The following MYOF variants were observed in gnomAD, a reference collection of about 807,000 sequenced individuals.
The protein encoded by MYOF is fer-1-like 3, myoferlin.
In MYOF, 244 loss-of-function variants were observed where a neutral mutation model predicts 284.2. The observed-to-expected ratio is 0.86, with a 90% confidence interval of 0.77 to 0.95. MYOF has a LOEUF of 0.95. MYOF is among the 40% of genes least tolerant of loss of function. The probability of loss-of-function intolerance (pLI) is 0.00; values close to 1 mark genes in which losing one functional copy is unlikely to be tolerated. For synonymous variants in MYOF, 904 were observed against 919.7 expected, an observed-to-expected ratio of 0.98 and a Z score of 0.31; for missense variants, 2,496 against 2,560.6, an observed-to-expected ratio of 0.97 and a Z score of 0.54.
chr10:93,312,653 T>G (rs992648739), intron 51 of MYOF, among the ~76,000 whole-genome samples: 4 of 152,136 alleles, frequency 2.6e-5, no homozygotes, highest in African/African-American at 9.7e-5. Context: ...CTACCTTTTT[T>G]TTTTAATGAG....
intron 17 of MYOF, among the ~76,000 whole-genome samples, chr10:93,390,433 C>A (rs1846620130): frequency 6.6e-6 from 1 of 152,108 alleles, no homozygotes; most frequent in South Asian, 2.1e-4. Flanking sequence ...TGCACGCAGC[C>A]TAAGGTTGAG....
chr10:93,322,513 T>G (rs1265910753), intron 48 of MYOF, among the ~76,000 whole-genome samples: 3 of 152,204 alleles, frequency 2.0e-5, no homozygotes, highest in African/African-American at 7.2e-5. Context: ...GGCATAGCCA[T>G]CCACAGAGAC....
chr10:93,463,100 C>T (rs1444259724), intron 1 of MYOF, among the ~76,000 whole-genome samples: 1 of 152,136 alleles, frequency 6.6e-6, no homozygotes, highest in Non-Finnish European at 1.5e-5. Context: ...CTGCCTCTCA[C>T]TCAGTTCTGC....
At chr10:93,455,277 C>T (rs1276929464) in intron 2 of MYOF, among the ~76,000 whole-genome samples, 1 of 147,146 alleles carries the variant, frequency 6.8e-6, no homozygotes, top group Non-Finnish European at 1.5e-5. Flanking sequence ...GAAACTCCAT[C>T]TCAAAAAAAC....
At chr10:93,313,268 A>C (rs1179773580) in intron 50 of MYOF, 58 bp from the exon 51 acceptor site, 1 of 1,514,288 alleles carries the variant, frequency 6.6e-7, no homozygotes, top group African/African-American at 1.4e-5. Flanking sequence ...GCTGTTGTTC[A>C]CAAGTGAACA....
At chr10:93,464,990 C>A (rs963978717) in intron 1 of MYOF, among the ~76,000 whole-genome samples, 5 of 152,202 alleles carry the variant, frequency 3.3e-5, no homozygotes, top group Non-Finnish European at 7.3e-5. Context: ...TCACACACCC[C>A]TGAACCACAC....
intron 10 of MYOF, 84 bp from the exon 11 acceptor site, chr10:93,402,431 G>A: frequency 9.0e-7 from 1 of 1,109,748 alleles, no homozygotes; most frequent in Non-Finnish European, 1.4e-6. Flanking sequence ...AAGATAAGCT[G>A]CATTTTCTTG....
At position 93,373,047 on chromosome 10, in the gene MYOF, G is replaced by C; in HGVS notation, c.2340C>G (p.Ile780Met). Reference protein sequence around the residue: ...NSMPDIIIWMIRGEKRLAYAR... With the variant: ...NSMPDIIIWMMRGEKRLAYAR... ...CATAGGCCAGTCTCTTCTCTCCCCG[G>C]ATCATCCAGATGATGATGTCAGGCA... The change falls in exon 24 of 54, where the codon ATC becomes ATG. Residue 780 changes from isoleucine to methionine, a missense_variant. Physicochemically the swap from Ile to Met is conservative, Grantham distance 10. Around this residue, in one of 3 missense-constraint regions of MYOF, gnomAD observed 2,436 missense variants for 2,480.7 expected, o/e 0.98. Coordinates refer to ENST00000359263, the MANE Select transcript of MYOF (RefSeq NM_013451.4). 2 of 1,614,142 alleles carry C rather than the reference G, an allele frequency of 1.2e-6. No homozygotes were observed. Among genetic ancestry groups the C allele is most frequent in the African/African-American group, 1.3e-5 (1 of 75,048 alleles).
In MYOF at chr10:93,381,320, G is replaced by T. The variant is rs1166465677; in HGVS notation, c.1775C>A (p.Ala592Asp). The part of the protein sequence containing the change: ...SATMLQDVGE[A>D]IQFEVSIGNY... ...CCCAATGCTGACTTCAAACTGAATGGCCTCACCAACATCTTGCAACATGGT... is the reference window on the plus strand; with the variant it reads ...CCCAATGCTGACTTCAAACTGAATGTCCTCACCAACATCTTGCAACATGGT... Residue 592 changes from alanine (A) to aspartate (D), a missense_variant, in exon 20 of 54, where the codon GCC becomes GAC. Coordinates refer to ENST00000359263, the MANE Select transcript of MYOF (RefSeq NM_013451.4). 1 of 1,614,192 alleles carries T rather than the reference G, an allele frequency of 6.2e-7. No individual in the cohort carries two copies. Among genetic ancestry groups the T allele is most frequent in the South Asian group, 1.1e-5 (1 of 91,082 alleles).
At chr10:93,442,041 C>CAGAG (rs1554865125) in intron 3 of MYOF, among the ~76,000 whole-genome samples, 6 of 142,738 alleles carry the variant, frequency 4.2e-5, no homozygotes, top group South Asian at 2.3e-4. Context: ...CACACACACA[C>CAGAG]AGAATAAACC....
chr10:93,413,331 A>G (rs1359063566), intron 5 of MYOF, among the ~76,000 whole-genome samples: 1 of 152,220 alleles, frequency 6.6e-6, no homozygotes, highest in Admixed American at 6.5e-5. Flanking sequence ...AGAATATTCA[A>G]GCAGGAAACC....
chr10:93,456,965 C>A (rs1240529378), intron 1 of MYOF, 28 bp from the exon 2 acceptor site: 1 of 1,545,088 alleles, frequency 6.5e-7, no homozygotes, highest in Non-Finnish European at 8.8e-7. Flanking sequence ...GAAGAGACAG[C>A]AATCATTTAT....
At chr10:93,328,360 C>A (rs182022917) in intron 45 of MYOF, among the ~76,000 whole-genome samples, 8 of 152,268 alleles carry the variant, frequency 5.3e-5, no homozygotes, top group Non-Finnish European at 2.9e-5. Flanking sequence ...CAAATGGGAA[C>A]ATAGCAGGCT....
chr10:93,331,632 T>C (rs1843306370), intron 43 of MYOF, among the ~76,000 whole-genome samples: 1 of 149,234 alleles, frequency 6.7e-6, no homozygotes, highest in Non-Finnish European at 1.5e-5. Flanking sequence ...AACGATCATA[T>C]TGCGGTGCCA....
At chr10:93,349,494 G>T (rs888334467) in intron 36 of MYOF, among the ~76,000 whole-genome samples, 1 of 152,218 alleles carries the variant, frequency 6.6e-6, no homozygotes, top group Non-Finnish European at 1.5e-5. Flanking sequence ...ATGACTGGGG[G>T]TTAATATTCT....
At chr10:93,360,429 T>C (rs911009785) in intron 28 of MYOF, among the ~76,000 whole-genome samples, 1 of 152,236 alleles carries the variant, frequency 6.6e-6, no homozygotes, top group Admixed American at 6.5e-5. Flanking sequence ...ATTATAGGGT[T>C]ACAGTATTTT....
chr10:93,394,443 C>CTTTTTTTTTT (rs1193314228), intron 16 of MYOF, among the ~76,000 whole-genome samples: 11 of 58,858 alleles, frequency 1.9e-4, no homozygotes, highest in South Asian at 7.9e-4. Context: ...TGGTCACCAT[C>CTTTTTTTTTT]TTGTCTTTTT....
chr10:93,381,209 C>T lies in MYOF; in HGVS notation c.1876+10G>A, dbSNP rs773378173. Reference sequence around the variant, plus strand: ...AAACGTGTGGAGAGAACTGTTAGTGCCAATCTTACCATCAAATACAGCACG... The same window carrying T: ...AAACGTGTGGAGAGAACTGTTAGTGTCAATCTTACCATCAAATACAGCACG... On this transcript the variant is annotated intron_variant, in intron 20 of 53. Coordinates refer to ENST00000359263, the MANE Select transcript of MYOF (RefSeq NM_013451.4). 2 of 1,613,914 alleles carry T rather than the reference C, an allele frequency of 1.2e-6. No individual in the cohort carries two copies. The highest frequency in any genetic ancestry group is 1.7e-5 in the Admixed American group (1 of 60,004).
At chr10:93,325,785 G>A (rs757397567) in intron 46 of MYOF, 41 bp downstream of exon 46, 6 of 1,573,096 alleles carry the variant, frequency 3.8e-6, no homozygotes, top group Non-Finnish European at 3.4e-6. Flanking sequence ...ATTGCATTTG[G>A]GGCAGGGATA....
Sources: gnomAD v4.1 joint callset for allele counts (sites outside exome capture counted in the v4.1 genomes callset) on GRCh38, gnomAD v4.1.1 for gene constraint, gnomAD v4.1.1 regional missense constraint, MANE v1.5 for transcripts, NCBI Gene and HGNC (gene_info 2026-07-23, HGNC 2026-07-21) for gene names.